The following GPM6A variants were observed in gnomAD, a reference collection of about 807,000 sequenced individuals.
GPM6A encodes the protein glycoprotein M6A, also known as neuronal membrane glycoprotein M6-a.
In GPM6A, 7 loss-of-function variants were observed where a neutral mutation model predicts 32.1. The observed-to-expected ratio is 0.22, with a 90% CI of 0.12 to 0.41. GPM6A has a LOEUF of 0.41. Among genes scored for constraint, GPM6A ranks in the 10% least tolerant of loss-of-function variants. The probability of loss-of-function intolerance (pLI) is 1.00; values close to 1 mark genes in which losing one functional copy is unlikely to be tolerated. For missense variants in GPM6A, 235 were observed against 347.2 expected (o/e 0.68, Z 2.57); for synonymous variants, 130 against 123.4 (o/e 1.05, Z -0.35).
At chr4:175,992,528 C>G (rs745693803) in intron 1 of GPM6A, among the ~76,000 whole-genome samples, 31 of 152,110 alleles carry the variant, frequency 2.0e-4, no homozygotes, top group Non-Finnish European at 4.1e-4. Flanking sequence ...GATTGATTGA[C>G]TAGTTTATAG....
chr4:175,731,588 A>G (rs1184706433), intron 1 of GPM6A, among the ~76,000 whole-genome samples: 2 of 152,254 alleles, frequency 1.3e-5, no homozygotes, highest in Non-Finnish European at 2.9e-5. Flanking sequence ...TTGTGGCATG[A>G]ACAGTTAAAG....
chr4:175,946,720 G>A (rs1396143641), intron 1 of GPM6A, among the ~76,000 whole-genome samples: 2 of 152,158 alleles, frequency 1.3e-5, no homozygotes, highest in South Asian at 2.1e-4. Flanking sequence ...AGGGCAGGAC[G>A]ATGCCAGGCT....
chr4:175,653,960 G>A (rs1326018180), intron 3 of GPM6A, among the ~76,000 whole-genome samples: 2 of 152,054 alleles, frequency 1.3e-5, no homozygotes, highest in Non-Finnish European at 2.9e-5. Flanking sequence ...CAGTGGAGGG[G>A]TCAGCTCAGA....
At chr4:175,902,581 A>T (rs1353389626) in intron 1 of GPM6A, among the ~76,000 whole-genome samples, 1 of 152,222 alleles carries the variant, frequency 6.6e-6, no homozygotes, top group East Asian at 1.9e-4. Flanking sequence ...TGCAAAATAA[A>T]AGATTTGGGT....
chr4:175,718,830 A>G (rs1346530335), intron 1 of GPM6A, among the ~76,000 whole-genome samples: 1 of 152,202 alleles, frequency 6.6e-6, no homozygotes, highest in African/African-American at 2.4e-5. Context: ...AATACAGTTG[A>G]GACATTTGAA....
chr4:175,968,223 A>G (rs533613566), intron 1 of GPM6A, among the ~76,000 whole-genome samples: 1 of 152,220 alleles, frequency 6.6e-6, no homozygotes, highest in Non-Finnish European at 1.5e-5. Flanking sequence ...ATCCATAGGC[A>G]AAAAAAGAAC....
intron 1 of GPM6A, among the ~76,000 whole-genome samples, chr4:175,974,249 A>ATAAC (rs1461955842): frequency 6.6e-6 from 1 of 152,112 alleles, no homozygotes; most frequent in Non-Finnish European, 1.5e-5. Flanking sequence ...AAATAAATAA[A>ATAAC]TAAAAATAAA....
intron 3 of GPM6A, among the ~76,000 whole-genome samples, chr4:175,669,735 C>A (rs1742948628): frequency 1.3e-5 from 2 of 152,212 alleles, no homozygotes; most frequent in South Asian, 4.2e-4. Context: ...ATTCTACCAC[C>A]AGTGTCTCAG....
Position 175,812,258 on chromosome 4 carries a change from C to T in GPM6A, c.-31G>A. The T allele has an allele frequency of 1.5e-6, 2 of 1,369,838 alleles. No individual in the cohort carries two copies. The highest frequency in any genetic ancestry group is 3.5e-5 in the East Asian group (1 of 28,616). The allele number at this position is 1,369,838 out of a possible 1,614,324, so 84.9% of individuals were successfully genotyped here. ...CCTTTCTTCAGTAGAATCTGGTACA[C>T]GGAATTAATCAAAAGCTCAATTAGA... On this transcript the variant is annotated 5_prime_UTR_variant, in exon 1 of 7. It adds an upstream start codon to the 5' untranslated region. Coordinates refer to ENST00000393658, the MANE Select transcript of GPM6A (RefSeq NM_201591.3).
chr4:175,930,764 T>C (rs1333016398), intron 1 of GPM6A, among the ~76,000 whole-genome samples: 1 of 152,134 alleles, frequency 6.6e-6, no homozygotes, highest in Admixed American at 6.5e-5. Context: ...GGCAATATAA[T>C]TGTTTTCTAA....
At chr4:175,961,615 C>G (rs538283031) in intron 1 of GPM6A, among the ~76,000 whole-genome samples, 1 of 152,140 alleles carries the variant, frequency 6.6e-6, no homozygotes, top group Admixed American at 6.5e-5. Context: ...GGTCCCCACA[C>G]TTTTCGGAGT....
chr4:175,844,954 G>A (rs916078695), intron 1 of GPM6A, among the ~76,000 whole-genome samples: 2 of 152,038 alleles, frequency 1.3e-5, no homozygotes, highest in African/African-American at 4.8e-5. Flanking sequence ...AGCTATAATG[G>A]CTAGAGAAAG....
intron 1 of GPM6A, among the ~76,000 whole-genome samples, chr4:175,954,782 G>A (rs1478766817): frequency 1.3e-5 from 2 of 152,192 alleles, no homozygotes; most frequent in African/African-American, 2.4e-5. Flanking sequence ...TGGACTTGGA[G>A]TATTTTCTAC....
At chr4:175,817,693 C>T (rs766705902) in intron 1 of GPM6A, among the ~76,000 whole-genome samples, 5 of 152,126 alleles carry the variant, frequency 3.3e-5, no homozygotes, top group South Asian at 2.1e-4. Context: ...ATATTCTGAA[C>T]AGTTGAAAGA....
chr4:175,778,627 C>CAAAAAAAAAAAAAAAAAAAAAAAA (rs34286041), intron 1 of GPM6A, among the ~76,000 whole-genome samples: 2 of 75,200 alleles, frequency 2.7e-5, no homozygotes, highest in African/African-American at 5.1e-5. Flanking sequence ...CTGTATCCAA[C>CAAAAAAAAAAAAAAAAAAAAAAAA]AAAAAAAAAA....
chr4:175,695,955 TAGTGAGTG>T (rs970633479), intron 2 of GPM6A, among the ~76,000 whole-genome samples: 15 of 152,092 alleles, frequency 9.9e-5, no homozygotes, highest in Admixed American at 5.9e-4. Flanking sequence ...GCTCTGGAGA[TAGTGAGTG>T]AGTGAGTTGT....
intron 3 of GPM6A, among the ~76,000 whole-genome samples, chr4:175,655,617 A>G (rs1031549717): frequency 5.9e-5 from 9 of 152,034 alleles, no homozygotes; most frequent in South Asian, 2.1e-4. Context: ...CCATTTTTGT[A>G]TATGTGTGCC....
chr4:175,738,577 G>C (rs1731756562), intron 1 of GPM6A, among the ~76,000 whole-genome samples: 1 of 152,030 alleles, frequency 6.6e-6, no homozygotes, highest in South Asian at 2.1e-4. Flanking sequence ...AGACCGAGAA[G>C]AGGGCAGAAT....
At chr4:175,888,641 T>G (rs1737538273) in intron 1 of GPM6A, among the ~76,000 whole-genome samples, 1 of 152,120 alleles carries the variant, frequency 6.6e-6, no homozygotes, top group Non-Finnish European at 1.5e-5. Flanking sequence ...TAAAACAATC[T>G]GTAAGACTTT....
Sources: gnomAD v4.1 joint callset for allele counts (sites outside exome capture counted in the v4.1 genomes callset) on GRCh38, gnomAD v4.1.1 for gene constraint, MANE v1.5 for transcripts, NCBI Gene and HGNC (gene_info 2026-07-23, HGNC 2026-07-21) for gene names.